Variants in MAGIX observed in about 807,000 individuals in gnomAD.
MAGIX encodes the protein PDZ domain-containing protein MAGIX.
In MAGIX, 13 loss-of-function variants were observed where a neutral mutation model predicts 10.0. That is an observed-to-expected ratio of 1.30 (90% CI 0.84 to 2.06). MAGIX has a LOEUF of 2.06. Among genes scored for constraint, MAGIX ranks in the 30% most tolerant of loss-of-function variants. The pLI, the probability that MAGIX is intolerant of heterozygous loss-of-function variation, is 0.00. For synonymous variants in MAGIX, 108 were observed against 106.8 expected, an observed-to-expected ratio of 1.01 and a Z score of -0.07; for missense variants, 235 against 245.2, an observed-to-expected ratio of 0.96 and a Z score of 0.28.
At chrX:49,164,408 T>C in intron 2 of MAGIX, 1 of 390,121 alleles carries the variant, frequency 2.6e-6, no homozygotes, top group Non-Finnish European at 4.5e-6. Flanking sequence ...CCGAATGGTG[T>C]TGTTTGAGGG....
intron 4 of MAGIX, chrX:49,165,825 G>A: frequency 7.7e-6 from 3 of 387,560 alleles, no homozygotes; most frequent in South Asian, 1.0e-4. Flanking sequence ...CTAGATGAGC[G>A]GGGTTTGATT....
chrX:49,166,780 C>CTG (rs782454581), exon 5 of MAGIX: 23 of 154,287 alleles, frequency 1.5e-4, no homozygotes, highest in Non-Finnish European at 2.4e-4. Flanking sequence ...TTCTGCCGGT[C>CTG]CTCAGTCTGG....
exon 5 of MAGIX, chrX:49,167,682 G>C (rs1474704794): frequency 9.0e-6 from 1 of 111,640 alleles, no homozygotes; most frequent in African/African-American, 3.3e-5. Flanking sequence ...AAGTGTGCCA[G>C]GGTGGCTTCC....
At chrX:49,166,497 T>A (rs1408163783) in exon 5 of MAGIX, 1 of 748,526 alleles carries the variant, frequency 1.3e-6, no homozygotes, top group Non-Finnish European at 1.9e-6. Context: ...GAGCTTCCAC[T>A]TGGTTTGGTC....
At chrX:49,168,024 T>C (rs2065377889) in exon 5 of MAGIX, 1 of 111,682 alleles carries the variant, frequency 9.0e-6, no homozygotes, top group Non-Finnish European at 1.9e-5. Flanking sequence ...TTCACCTGCA[T>C]TGACAAGTAT....
chrX:49,164,315 GGGATGAGGGT>G, intron 2 of MAGIX: 1 of 285,018 alleles, frequency 3.5e-6, no homozygotes, highest in Non-Finnish European at 6.2e-6. Flanking sequence ...TGTCAGGAAT[GGGATGAGGGT>G]TAGAGGCTAA....
At chrX:49,164,245 A>G (rs2065350645) in intron 2 of MAGIX, 2 of 251,451 alleles carry the variant, frequency 8.0e-6, no homozygotes, top group African/African-American at 5.7e-5. Context: ...GCGAAGGGGC[A>G]GGCCTGAAAT....
chrX:49,163,817 C>T, exon 2 of MAGIX: 1 of 1,048,342 alleles, frequency 9.5e-7, no homozygotes, highest in South Asian at 2.7e-5. Flanking sequence ...GCCCTAGCGC[C>T]CGGCAGCTCC....
chrX:49,164,103 A>T (rs2065349279), intron 2 of MAGIX, 174 bp downstream of exon 2: 2 of 381,971 alleles, frequency 5.2e-6, no homozygotes, highest in South Asian at 2.2e-4. Context: ...GGGTTATTCT[A>T]GCATATTCCT....
rs5906744 is a variant in MAGIX, at chrX:49,164,918, G to A, written c.158G>A (p.Arg53His). 1,343 of 1,211,060 alleles carry A rather than the reference G, an allele frequency of 1.1e-3. 2 individuals carry two copies. Among genetic ancestry groups the A allele is most frequent in the South Asian group, 5.6e-3 (317 of 56,922 alleles). The change falls in exon 3 of 5, where the codon CGT becomes CAT. Residue 53 changes from arginine to histidine, a missense_variant. Physicochemically the swap from Arg to His is conservative, Grantham distance 29. Coordinates refer to ENST00000616266, the Ensembl canonical transcript of MAGIX. The stretch of plus-strand genomic sequence containing the variant: ...CCCCAATTGATCCAGGGTAAGGCAC[G>A]TAGTGCTCCGAAGCCATCCCAGGCC...
exon 2 of MAGIX, chrX:49,163,904 C>G (rs1557096896): frequency 2.0e-6 from 2 of 1,021,224 alleles, no homozygotes; most frequent in African/African-American, 4.1e-5. Flanking sequence ...GGGCGGGCGC[C>G]ACATTGCGCC....
exon 4 of MAGIX, chrX:49,165,222 G>T (rs782155937): frequency 8.4e-7 from 1 of 1,185,960 alleles, no homozygotes; most frequent in East Asian, 3.1e-5. Flanking sequence ...TCAACGGAGA[G>T]TCAACGCAGG....
At chrX:49,163,747 G>A in intron 1 of MAGIX, 36 bp from the exon 2 acceptor site, 1 of 1,006,645 alleles carries the variant, frequency 9.9e-7, no homozygotes, top group Non-Finnish European at 1.3e-6. Context: ...GGCCGAGGCC[G>A]AGGGTCGGCG....
intron 4 of MAGIX, 68 bp downstream of exon 5, chrX:49,165,429 G>A: frequency 9.9e-7 from 1 of 1,009,062 alleles, no homozygotes. Context: ...GAGTGGAGAA[G>A]CTGAGATTCT....
intron 2 of MAGIX, 98 bp from the exon 3 acceptor site, chrX:49,164,609 C>T: frequency 1.3e-6 from 1 of 743,760 alleles, no homozygotes; most frequent in Non-Finnish European, 2.1e-6. Context: ...AGGGGCAAGA[C>T]AAGTAGATGA....
intron 2 of MAGIX, chrX:49,164,216 C>T: frequency 3.7e-6 from 1 of 270,277 alleles, no homozygotes; most frequent in Non-Finnish European, 6.5e-6. Flanking sequence ...CTGGAGAGTG[C>T]TTGGGGGGCG....
At chrX:49,166,190 C>G (rs1557097924) in exon 5 of MAGIX, 12 of 1,209,585 alleles carry the variant, frequency 9.9e-6, no homozygotes, top group Admixed American at 2.2e-5. Flanking sequence ...CAAGAAGACC[C>G]GGGGCAGCCC....
intron 2 of MAGIX, 191 bp downstream of exon 2, chrX:49,164,120 T>C: frequency 2.9e-6 from 1 of 345,172 alleles, no homozygotes; most frequent in Admixed American, 5.7e-5. Flanking sequence ...TCCTTGAGGG[T>C]TATTGCAGTC....
intron 4 of MAGIX, 58 bp from the exon 6 acceptor site, chrX:49,166,016 T>A (rs970963571): frequency 4.7e-5 from 53 of 1,119,260 alleles, no homozygotes; most frequent in Non-Finnish European, 6.1e-5. Flanking sequence ...CTCCTGTCCA[T>A]CCTCAGCCAA....
Sources: allele counts gnomAD v4.1 joint callset, GRCh38; gene constraint gnomAD v4.1.1; transcripts MANE v1.5; gene names NCBI Gene and HGNC (gene_info 2026-07-23, HGNC 2026-07-21).